SPECC1: variants seen among roughly 807,000 people sequenced by gnomAD.
The protein encoded by SPECC1 is cytospin-B.
A neutral mutation model predicts 104.1 loss-of-function variants in SPECC1; 62 were observed. The observed-to-expected ratio is 0.60, with a 90% CI of 0.49 to 0.74. SPECC1 has a LOEUF of 0.74. Among genes scored for constraint, SPECC1 ranks in the 30% least tolerant of loss-of-function variants. SPECC1 has a pLI of 0.00. For missense variants in SPECC1, 1,306 were observed against 1,310.5 expected (o/e 1.00, Z 0.05); for synonymous variants, 513 against 501.6 (o/e 1.02, Z -0.30).
rs140652664 is a variant in SPECC1, at chr17:20,219,825, G to A, written c.1864-7588G>A. On this transcript the variant is annotated intron_variant, in intron 4 of 14. Coordinates refer to ENST00000395527, the MANE Select transcript of SPECC1 (RefSeq NM_001243439.2). ...GTTTTCATAGTTTGAGGTCTTAGAT[G>A]TAAGTCTTTAATCCTTTTGATATGA... Among the ~76,000 whole-genome samples the A allele has an allele frequency of 5.5e-4, 83 of 152,206 alleles. 1 individual carries two copies. The East Asian group carries it at 6.8e-3, about 12-fold the overall frequency.
intron 3 of SPECC1, among the ~76,000 whole-genome samples, chr17:20,135,143 T>C (rs1165845249): frequency 6.6e-6 from 1 of 152,220 alleles, no homozygotes; most frequent in Non-Finnish European, 1.5e-5. Flanking sequence ...AGTTTGTGCA[T>C]GTTACTGAGT....
At chr17:20,161,932 C>G (rs563045916) in intron 3 of SPECC1, among the ~76,000 whole-genome samples, 1 of 151,696 alleles carries the variant, frequency 6.6e-6, no homozygotes, top group East Asian at 1.9e-4. Context: ...GTACCTGGGA[C>G]TACAGGTGCG....
intron 3 of SPECC1, among the ~76,000 whole-genome samples, chr17:20,125,908 T>G (rs1264005699): frequency 4.6e-5 from 7 of 152,162 alleles, no homozygotes; most frequent in Admixed American, 4.6e-4. Context: ...GGCCCTGCGT[T>G]TCCCGGGAGT....
At chr17:20,191,607 C>T (rs180954999) in intron 3 of SPECC1, among the ~76,000 whole-genome samples, 169 of 151,312 alleles carry the variant, frequency 1.1e-3, no homozygotes, top group African/African-American at 4.0e-3. Context: ...ATCAACCTGT[C>T]ATCTACATTA....
chr17:20,307,781 G>C (rs924294575), intron 14 of SPECC1, among the ~76,000 whole-genome samples: 2 of 152,152 alleles, frequency 1.3e-5, no homozygotes, highest in African/African-American at 4.8e-5. Flanking sequence ...AGTATTTGAA[G>C]ATATGATGCC....
At chr17:20,279,528 G>A (rs1406523402) in intron 12 of SPECC1, among the ~76,000 whole-genome samples, 6 of 151,954 alleles carry the variant, frequency 3.9e-5, no homozygotes, top group Non-Finnish European at 7.4e-5. Flanking sequence ...CTCCATGTTG[G>A]TCAGGCTGAT....
chr17:20,072,383 C>A (rs967790700), intron 1 of SPECC1, among the ~76,000 whole-genome samples: 1 of 152,264 alleles, frequency 6.6e-6, no homozygotes, highest in East Asian at 1.9e-4. Flanking sequence ...GTCCCAACCA[C>A]TACCACCTCC....
At chr17:20,246,399 C>A (rs2039423920) in intron 8 of SPECC1, among the ~76,000 whole-genome samples, 1 of 152,228 alleles carries the variant, frequency 6.6e-6, no homozygotes, top group Non-Finnish European at 1.5e-5. Flanking sequence ...TTTGTCATCT[C>A]ATGAGAATTA....
intron 1 of SPECC1, among the ~76,000 whole-genome samples, chr17:20,036,185 A>C (rs567899253): frequency 5.3e-5 from 8 of 151,746 alleles, no homozygotes; most frequent in African/African-American, 1.7e-4. Flanking sequence ...CCAGGCTGGA[A>C]TGCAGTGGCA....
At chr17:20,240,101 C>T (rs2039135605) in intron 7 of SPECC1, among the ~76,000 whole-genome samples, 1 of 105,958 alleles carries the variant, frequency 9.4e-6, no homozygotes, top group African/African-American at 3.8e-5. Flanking sequence ...TTGGTAGACA[C>T]GAGGTCTCAC....
chr17:20,240,396 T>A (rs1242488377), intron 7 of SPECC1, among the ~76,000 whole-genome samples: 1 of 152,186 alleles, frequency 6.6e-6, no homozygotes, highest in Non-Finnish European at 1.5e-5. Context: ...TTTATCATAT[T>A]TTTCATGTGA....
At chr17:20,285,154 G>C (rs138729567) in intron 12 of SPECC1, among the ~76,000 whole-genome samples, 1 of 152,172 alleles carries the variant, frequency 6.6e-6, no homozygotes, top group South Asian at 2.1e-4. Context: ...AAGTAACCAG[G>C]CAACCAAGGC....
intron 11 of SPECC1, 46 bp downstream of exon 11, chr17:20,257,653 T>G: frequency 6.2e-7 from 1 of 1,601,820 alleles, no homozygotes. Context: ...ATCGGGCTAA[T>G]CACCTTTTAT....
intron 1 of SPECC1, among the ~76,000 whole-genome samples, chr17:20,051,068 T>TCC (rs1193442833): frequency 1.1e-5 from 1 of 90,694 alleles, no homozygotes; most frequent in African/African-American, 4.3e-5. Flanking sequence ...CTTTCTTTCT[T>TCC]TTTCTTTCTT....
chr17:20,050,654 G>A (rs955049985), intron 1 of SPECC1, among the ~76,000 whole-genome samples: 14 of 152,120 alleles, frequency 9.2e-5, no homozygotes, highest in African/African-American at 3.1e-4. Flanking sequence ...AGGATTCTTG[G>A]GTGGTCTTTC....
In SPECC1 at chr17:20,315,694, G is replaced by A; in HGVS notation, c.*1629G>A. The A allele has an allele frequency of 4.3e-6, 1 of 232,272 alleles. No homozygotes were observed. Among genetic ancestry groups the A allele is most frequent in the Non-Finnish European group, 8.5e-6 (1 of 117,508 alleles). The allele number at this position is 232,272 out of a possible 1,614,324, so 14.4% of individuals were successfully genotyped here. On this transcript the variant is annotated 3_prime_UTR_variant, in exon 15 of 15. Transcript: ENST00000395527. ...CAGGTCCAGCCCCTTACCATTCCTG[G>A]AGAGGTAGGAGCTCAGTCCCTTCCT...
At chr17:20,113,316 A>G (rs2048587179) in intron 3 of SPECC1, among the ~76,000 whole-genome samples, 1 of 152,188 alleles carries the variant, frequency 6.6e-6, no homozygotes, top group African/African-American at 2.4e-5. Context: ...TGATGTGGAA[A>G]TACCATCTTG....
chr17:20,204,612 G>T lies in SPECC1; in HGVS notation c.563G>T (p.Arg188Leu). 6.2e-7 allele frequency: 1 copy of T among 1,614,190 alleles called. No homozygotes were observed. Among genetic ancestry groups the T allele is most frequent in the Non-Finnish European group, 8.5e-7 (1 of 1,180,038 alleles). Residue 188 changes from arginine to leucine, a missense_variant, in exon 4 of 15, where the codon CGA (arginine) becomes CTA (leucine). Physicochemically the swap from Arg to Leu is moderately radical, Grantham distance 102. This residue lies in a region of SPECC1 where 1,177 missense variants were observed against 1,139.9 expected (regional missense o/e 1.03). Transcript: ENST00000395527. ...AAAGATAGTGAAATTAACAGGCTTCGAAGTGAACTAAAGAAATACAAAGAG... is the reference window on the plus strand; with the variant it reads ...AAAGATAGTGAAATTAACAGGCTTCTAAGTGAACTAAAGAAATACAAAGAG... The part of the protein sequence containing the change: ...KAKDSEINRL[R>L]SELKKYKEKR...
At chr17:20,173,427 CAGG>C (rs1325984391) in intron 3 of SPECC1, among the ~76,000 whole-genome samples, 4 of 152,210 alleles carry the variant, frequency 2.6e-5, no homozygotes, top group Non-Finnish European at 5.9e-5. Flanking sequence ...GTATATGTAT[CAGG>C]AGCAGTGCTG....
Sources: allele counts gnomAD v4.1 joint callset (sites outside exome capture counted in the v4.1 genomes callset), GRCh38; gene constraint gnomAD v4.1.1; regional missense constraint gnomAD v4.1.1; transcripts MANE v1.5; gene names NCBI Gene and HGNC (gene_info 2026-07-23, HGNC 2026-07-21).